The following LLGL2 variants were observed in gnomAD, a reference collection of about 807,000 sequenced individuals.
LLGL2 encodes LLGL2, scribble cell polarity complex component.
Under a neutral mutation model 123.2 loss-of-function variants are expected in LLGL2, and 81 were observed. The observed-to-expected ratio is 0.66, with a 90% CI of 0.55 to 0.79. The LOEUF is 0.79. Among genes scored for constraint, LLGL2 ranks in the 30% least tolerant of loss-of-function variants. The probability of loss-of-function intolerance (pLI) is 0.00; values close to 1 mark genes in which losing one functional copy is unlikely to be tolerated. For synonymous variants in LLGL2, 577 were observed against 594.1 expected, an observed-to-expected ratio of 0.97 and a Z score of 0.42; for missense variants, 1,273 against 1,414.6, an observed-to-expected ratio of 0.90 and a Z score of 1.61.
In LLGL2 at chr17:75,573,522, C is replaced by T. The variant is rs1471478936; in HGVS notation, c.2767C>T (p.Leu923Phe). The T allele has an allele frequency of 6.2e-7, 1 of 1,612,860 alleles. No individual in the cohort carries two copies. Among genetic ancestry groups the T allele is most frequent in the Non-Finnish European group, 8.5e-7 (1 of 1,179,802 alleles). Residue 923 changes from leucine (L) to phenylalanine (F), a missense_variant, in exon 21 of 26, where the codon CTC (leucine) becomes TTC (phenylalanine). Leu to Phe is a conservative substitution (Grantham distance 22, BLOSUM62 0). Coordinates refer to ENST00000392550, the MANE Select transcript of LLGL2 (RefSeq NM_001031803.2). ...ISPSEFERFS[L>F]STKWLVEPRC... ...ACCCTCGGAGTTTGAGCGCTTCTCTCTCTCCACCAAGTGGCTGGTGGAGCC... is the reference window on the plus strand; with the variant it reads ...ACCCTCGGAGTTTGAGCGCTTCTCTTTCTCCACCAAGTGGCTGGTGGAGCC...
intron 10 of LLGL2, chr17:75,568,102 G>C (rs1258674485): frequency 3.5e-6 from 4 of 1,154,072 alleles, no homozygotes; most frequent in Non-Finnish European, 4.3e-6. Flanking sequence ...GCGTGCTGCT[G>C]CCTGTGGGGA....
rs928287481 is a variant in LLGL2 at position 75,559,093 on chromosome 17, T to C, written c.372-159T>C. 7.6e-6 allele frequency: 6 copies of C among 784,426 alleles called. No homozygotes were observed. In the African/African-American group the frequency reaches 8.8e-5, roughly 11 times the overall value. 48.6% of individuals were successfully genotyped at this position (784,426 alleles called of 1,614,324 possible). ...CCCAGGCTCTCTGCCATCTGTCTCC[T>C]GTCTTGGCAGAAAGTGACCAATGTT... is the stretch of plus-strand genomic sequence containing the variant. On this transcript the variant is annotated intron_variant, in intron 5 of 25. Coordinates refer to ENST00000392550, the MANE Select transcript of LLGL2 (RefSeq NM_001031803.2). This position sits in a 1 kb window ranked among gnomAD's most constrained non-coding sequence, Gnocchi z 4.6.
rs1671033 is a variant in LLGL2, at chr17:75,558,442, C to T, written c.256-70C>T. 5 of 1,342,846 alleles carry T rather than the reference C, an allele frequency of 3.7e-6. No homozygotes were observed. Among genetic ancestry groups the T allele is most frequent in the Non-Finnish European group, 4.1e-6 (4 of 969,156 alleles). The allele number at this position is 1,342,846 out of a possible 1,614,324, so 83.2% of individuals were successfully genotyped here. A position where few individuals can be genotyped will look rare whatever the true frequency, so the allele number is the denominator to read the frequency against. On this transcript the variant is annotated intron_variant, in intron 4 of 25. Coordinates refer to ENST00000392550, the MANE Select transcript of LLGL2 (RefSeq NM_001031803.2). This position sits in a 1 kb window ranked among gnomAD's most constrained non-coding sequence, Gnocchi z 4.0. ...GGGGTCTTTTAAACAACTGGGGCTG[C>T]GTGGCCCCAGTGTGTAAAGGCCTTG...
chr17:75,547,908 G>C (rs7222559), intron 2 of LLGL2, among the ~76,000 whole-genome samples: 3,421 of 152,144 alleles, frequency 0.022, 129 homozygotes, highest in African/African-American at 0.078. Context: ...AATGAAGGTT[G>C]TCTTGTTATG....
intron 16 of LLGL2, 28 bp downstream of exon 16, chr17:75,570,526 G>A (rs1409407955): frequency 1.3e-6 from 2 of 1,551,174 alleles, no homozygotes; most frequent in Middle Eastern, 2.2e-4. Context: ...GCTGCGGCCG[G>A]CCACGCACCC....
chr17:75,569,445 T>TCAAGCCACCTCCATCCACC, intron 14 of LLGL2, 120 bp downstream of exon 14: 1 of 814,038 alleles, frequency 1.2e-6, no homozygotes, highest in Non-Finnish European at 2.0e-6. Flanking sequence ...TTCCGGTGGA[T>TCAAGCCACCTCCATCCACC]GGAGGTGGCT....
At chr17:75,574,080 G>A in intron 22 of LLGL2, 100 bp downstream of exon 22, 1 of 1,549,078 alleles carries the variant, frequency 6.5e-7, no homozygotes, top group South Asian at 1.2e-5. Flanking sequence ...GGTAGTGTTT[G>A]GGCTGGGAAT....
At chr17:75,550,983 C>G (rs2054647175) in intron 2 of LLGL2, among the ~76,000 whole-genome samples, 1 of 152,250 alleles carries the variant, frequency 6.6e-6, no homozygotes, top group Middle Eastern at 3.4e-3. Flanking sequence ...CTGTTCCCAA[C>G]AAGATCCCTT....
intron 12 of LLGL2, 57 bp from the exon 13 acceptor site, chr17:75,568,915 GCCAGCC>G: frequency 6.3e-7 from 1 of 1,576,982 alleles, no homozygotes; most frequent in Non-Finnish European, 8.6e-7. Context: ...AGGTGGACGA[GCCAGCC>G]CCTGGGCATC....
intron 19 of LLGL2, 116 bp from the exon 20 acceptor site, chr17:75,572,898 C>T: frequency 7.8e-7 from 1 of 1,277,378 alleles, no homozygotes. Flanking sequence ...CATCTGAGAG[C>T]CAAGGGTTTG....
Position 75,574,741 on chromosome 17 carries a change from T to G in LLGL2, c.3055+73T>G, listed in dbSNP as rs551601533. The G allele has an allele frequency of 4.4e-6, 7 of 1,592,546 alleles. No homozygotes were observed. In the East Asian group the frequency reaches 1.3e-4, roughly 31 times the overall value. ...CTGGGAGGAAGAGCCCCGGCCCCACTCCCCTGGGTCCCACGGGGCTGACAC... is the reference window on the plus strand; with the variant it reads ...CTGGGAGGAAGAGCCCCGGCCCCACGCCCCTGGGTCCCACGGGGCTGACAC... On this transcript the variant is annotated intron_variant, in intron 25 of 25. Coordinates refer to ENST00000392550, the MANE Select transcript of LLGL2 (RefSeq NM_001031803.2).
Position 75,543,373 on chromosome 17 carries a change from C to T in LLGL2, c.-30-24C>T, listed in dbSNP as rs2054291464. 3.2e-6 allele frequency: 5 copies of T among 1,548,670 alleles called. No homozygotes were observed. The South Asian group carries it at 3.5e-5, about 11-fold the overall frequency. ...GATACCTGAGTGCCAGGACAGACCC[C>T]TGCAGCTCCTTCTGTTTCTCCAGGT... On this transcript the variant is annotated intron_variant, in intron 1 of 25. Coordinates refer to ENST00000392550, the MANE Select transcript of LLGL2 (RefSeq NM_001031803.2).
intron 21 of LLGL2, 58 bp downstream of exon 21, chr17:75,573,689 A>T: frequency 7.8e-7 from 1 of 1,287,198 alleles, no homozygotes; most frequent in Non-Finnish European, 1.0e-6. Flanking sequence ...GCCCTCTCTG[A>T]GATACCGAGG....
At chr17:75,570,524 C>T (rs572431459) in intron 16 of LLGL2, 26 bp downstream of exon 16, 58 of 1,551,510 alleles carry the variant, frequency 3.7e-5, no homozygotes, top group African/African-American at 3.1e-4. Context: ...AGGCTGCGGC[C>T]GGCCACGCAC....
intron 1 of LLGL2, among the ~76,000 whole-genome samples, chr17:75,539,081 CAG>C (rs774595188): frequency 5.3e-5 from 8 of 151,634 alleles, no homozygotes; most frequent in Non-Finnish European, 1.2e-4. Context: ...TGTTTTGAGA[CAG>C]AGTTTCGCTC....
intron 1 of LLGL2, among the ~76,000 whole-genome samples, chr17:75,529,228 C>T (rs2053686529): frequency 6.6e-6 from 1 of 151,800 alleles, no homozygotes; most frequent in Non-Finnish European, 1.5e-5. Context: ...GACGAAGTCT[C>T]CTCTGTCGCC....
rs1200636237 is a variant in LLGL2, at chr17:75,571,630, G to A, written c.2177-37G>A. On this transcript the variant is annotated intron_variant, in intron 17 of 25. Coordinates refer to ENST00000392550, the MANE Select transcript of LLGL2 (RefSeq NM_001031803.2). ...TTGCCCAGCTCCACCCGACTCCCAC[G>A]CTAAGGGTCAGACACCCAAACATGG... The A allele has an allele frequency of 5.9e-6, 9 of 1,517,614 alleles. No homozygotes were observed. In the East Asian group the frequency reaches 9.0e-5, roughly 15 times the overall value. The allele number at this position is 1,517,614 out of a possible 1,614,324, so 94.0% of individuals were successfully genotyped here. A position where few individuals can be genotyped will look rare whatever the true frequency, so the allele number is the denominator to read the frequency against.
intron 2 of LLGL2, among the ~76,000 whole-genome samples, chr17:75,547,824 C>CA (rs34638571): frequency 0.022 from 3,044 of 139,624 alleles, 100 homozygotes; most frequent in African/African-American, 0.072. Context: ...GACCCTGTCT[C>CA]AAAAAAAAAA....
chr17:75,537,809 C>CTTTTTTTT (rs563954111), intron 1 of LLGL2, among the ~76,000 whole-genome samples: 1 of 130,216 alleles, frequency 7.7e-6, no homozygotes, highest in Non-Finnish European at 1.6e-5. Context: ...GGAAGGTGAC[C>CTTTTTTTT]TTTTTTTTTT....
Sources: allele counts gnomAD v4.1 joint callset (sites outside exome capture counted in the v4.1 genomes callset), GRCh38; gene constraint gnomAD v4.1.1; non-coding constraint Gnocchi (gnomAD v3.1); transcripts MANE v1.5; gene names NCBI Gene and HGNC (gene_info 2026-07-23, HGNC 2026-07-21).